SGCZ: variants seen among roughly 807,000 people sequenced by gnomAD.
SGCZ encodes the protein sarcoglycan zeta.
In SGCZ, 40 loss-of-function variants were observed where a neutral mutation model predicts 41.3. The ratio of observed to expected loss-of-function variants is 0.97; its 90% CI spans 0.75 to 1.26. The LOEUF (loss-of-function observed/expected upper bound fraction) is 1.26. Ranked by LOEUF, SGCZ falls within the 50% of genes most tolerant of loss-of-function variation. The pLI, the probability that SGCZ is intolerant of heterozygous loss-of-function variation, is 0.00. For missense variants in SGCZ, 552 were observed against 369.8 expected (o/e 1.49, Z -4.04); for synonymous variants, 206 against 137.5 (o/e 1.50, Z -3.49).
At chr8:14,427,454 A>G (rs1799818992) in intron 2 of SGCZ, among the ~76,000 whole-genome samples, 1 of 152,170 alleles carries the variant, frequency 6.6e-6, no homozygotes, top group Non-Finnish European at 1.5e-5. Flanking sequence ...ACAGAGACCC[A>G]AAGATATTTT....
chr8:14,624,656 C>T (rs368289812), intron 1 of SGCZ, among the ~76,000 whole-genome samples: 45 of 146,370 alleles, frequency 3.1e-4, no homozygotes, highest in African/African-American at 7.1e-4. Context: ...CTGAAACCTC[C>T]GCCTCCCGGG....
chr8:15,088,039 T>A (rs1052814501), intron 1 of SGCZ, among the ~76,000 whole-genome samples: 2 of 152,050 alleles, frequency 1.3e-5, no homozygotes, highest in African/African-American at 4.8e-5. Flanking sequence ...AGAAAAGGAA[T>A]AATGTAAGTG....
chr8:15,138,670 C>A (rs1370514985), intron 1 of SGCZ, among the ~76,000 whole-genome samples: 1 of 152,144 alleles, frequency 6.6e-6, no homozygotes, highest in Non-Finnish European at 1.5e-5. Context: ...GAGGTGCCTG[C>A]CACCATGATT....
At chr8:14,282,387 A>G (rs1441552801) in intron 3 of SGCZ, among the ~76,000 whole-genome samples, 3 of 151,934 alleles carry the variant, frequency 2.0e-5, no homozygotes, top group Non-Finnish European at 4.4e-5. Flanking sequence ...AATTTATTCT[A>G]TCATCTTCCT....
intron 2 of SGCZ, among the ~76,000 whole-genome samples, chr8:14,391,336 T>C (rs1199458178): frequency 6.6e-6 from 1 of 152,052 alleles, no homozygotes. Context: ...ATTACACATA[T>C]AAACAATAAG....
At chr8:14,182,614 A>G (rs1804766167) in intron 4 of SGCZ, among the ~76,000 whole-genome samples, 1 of 152,308 alleles carries the variant, frequency 6.6e-6, no homozygotes, top group South Asian at 2.1e-4. Context: ...ATGTAGATGG[A>G]AAAAATAATA....
intron 3 of SGCZ, among the ~76,000 whole-genome samples, chr8:14,292,284 A>G (rs1800866240): frequency 6.6e-6 from 1 of 152,066 alleles, no homozygotes; most frequent in South Asian, 2.1e-4. Context: ...TGCATAAACT[A>G]ATCTGGGGCA....
chr8:15,109,077 G>A (rs971432971), intron 1 of SGCZ, among the ~76,000 whole-genome samples: 6 of 151,924 alleles, frequency 3.9e-5, no homozygotes, highest in Non-Finnish European at 7.4e-5. Context: ...GAAAGGATTC[G>A]AAAAACAAAT....
chr8:14,137,474 G>C (rs1803235480), intron 5 of SGCZ, among the ~76,000 whole-genome samples: 1 of 152,168 alleles, frequency 6.6e-6, no homozygotes, highest in Non-Finnish European at 1.5e-5. Context: ...ACAGTGTAGA[G>C]AAGGCCTTAA....
intron 1 of SGCZ, among the ~76,000 whole-genome samples, chr8:14,789,574 C>A (rs1452568919): frequency 2.0e-5 from 3 of 152,064 alleles, no homozygotes; most frequent in East Asian, 1.9e-4. Context: ...ATGCTTTAGA[C>A]CTTTCATTCT....
intron 1 of SGCZ, among the ~76,000 whole-genome samples, chr8:15,223,289 G>A (rs1475623781): frequency 6.6e-6 from 1 of 152,166 alleles, no homozygotes. Flanking sequence ...ATGATAGAAA[G>A]TTTGCAGTAA....
intron 1 of SGCZ, among the ~76,000 whole-genome samples, chr8:14,752,911 G>C (rs918315831): frequency 1.3e-5 from 2 of 152,166 alleles, no homozygotes; most frequent in African/African-American, 4.8e-5. Flanking sequence ...ATGATAGTCT[G>C]AGTCACCTAT....
chr8:15,103,152 G>A (rs1010156010), intron 1 of SGCZ, among the ~76,000 whole-genome samples: 1 of 152,126 alleles, frequency 6.6e-6, no homozygotes, highest in Non-Finnish European at 1.5e-5. Flanking sequence ...TGTAATCCCA[G>A]CACTTTGGGA....
intron 1 of SGCZ, among the ~76,000 whole-genome samples, chr8:14,749,606 C>G (rs1224980875): frequency 1.3e-5 from 2 of 152,056 alleles, no homozygotes; most frequent in East Asian, 1.9e-4. Context: ...GGACATTTTT[C>G]AAAAGCAAGG....
chr8:14,282,046 T>C (rs6530748), intron 3 of SGCZ, among the ~76,000 whole-genome samples: 142,060 of 152,168 alleles, frequency 0.93, 67,011 homozygotes, highest in East Asian at 1. Flanking sequence ...TTGGCTCTAG[T>C]TAAAAGAAAT....
At chr8:14,863,040 T>C (rs1301563227) in intron 1 of SGCZ, among the ~76,000 whole-genome samples, 1 of 152,162 alleles carries the variant, frequency 6.6e-6, no homozygotes, top group Non-Finnish European at 1.5e-5. Flanking sequence ...ATTACTGGGA[T>C]GATTGAGAAG....
intron 2 of SGCZ, among the ~76,000 whole-genome samples, chr8:14,446,739 A>G (rs1800443040): frequency 6.6e-6 from 1 of 152,174 alleles, no homozygotes. Context: ...GTGCTGATTC[A>G]GACTGTAATT....
At chr8:15,027,899 T>C (rs1228517714) in intron 1 of SGCZ, among the ~76,000 whole-genome samples, 1 of 152,130 alleles carries the variant, frequency 6.6e-6, no homozygotes, top group African/African-American at 2.4e-5. Flanking sequence ...ATGTAATATC[T>C]ATTAGCATAT....
At chr8:14,279,347 T>G (rs962615230) in intron 3 of SGCZ, among the ~76,000 whole-genome samples, 2 of 152,050 alleles carry the variant, frequency 1.3e-5, no homozygotes, top group African/African-American at 4.8e-5. Context: ...CAGATAGCAA[T>G]AGCCAGCTAT....
Sources: gnomAD v4.1 joint callset for allele counts (sites outside exome capture counted in the v4.1 genomes callset) on GRCh38, gnomAD v4.1.1 for gene constraint, MANE v1.5 for transcripts, NCBI Gene and HGNC (gene_info 2026-07-23, HGNC 2026-07-21) for gene names.